CDH24: variants seen among roughly 807,000 people sequenced by gnomAD.
The protein encoded by CDH24 is cadherin 24.
A neutral mutation model predicts 71.2 loss-of-function variants in CDH24; 61 were observed. The ratio of observed to expected loss-of-function variants is 0.86; its 90% CI spans 0.70 to 1.06. The LOEUF is 1.06. Ranked by LOEUF, CDH24 falls within the 50% of genes least tolerant of loss-of-function variation. The probability of loss-of-function intolerance (pLI) is 0.00; values close to 1 mark genes in which losing one functional copy is unlikely to be tolerated. For synonymous variants in CDH24, 440 were observed against 470.2 expected (o/e 0.94, Z 0.83); for missense variants, 961 against 1,083.7 (o/e 0.89, Z 1.59).
In CDH24 at chr14:23,048,032, A is replaced by G; in HGVS notation, c.2294T>C (p.Leu765Pro). The change falls in exon 12 of 13, where the codon CTC becomes CCC. Residue 765 changes from leucine (L) to proline (P), a missense_variant. Leu to Pro is a moderately conservative substitution (Grantham distance 98). Around this residue, in one of 2 missense-constraint regions of CDH24, gnomAD observed 290 missense variants for 272.8 expected, o/e 1.06. Coordinates refer to ENST00000487137, the MANE Select transcript of CDH24 (RefSeq NM_144985.4). ...ATACAGCTCGGCCAGGGTGCGGAAG[A>G]GCGGACCCCAGTCGTCCAGCGGCTC... is the stretch of plus-strand genomic sequence containing the variant. Reference protein sequence around the residue: ...PAEPLDDWGPLFRTLAELYGA... With the variant: ...PAEPLDDWGPPFRTLAELYGA... 1.4e-6 allele frequency: 2 copies of G among 1,447,992 alleles called. No homozygotes were observed. The highest frequency in any genetic ancestry group is 1.8e-6 in the Non-Finnish European group (2 of 1,105,648). The allele number at this position is 1,447,992 out of a possible 1,614,324, so 89.7% of individuals were successfully genotyped here. A position where few individuals can be genotyped will look rare whatever the true frequency, so the allele number is the denominator to read the frequency against.
Position 23,049,738 on chromosome 14 carries a change from G to T in CDH24, c.1486C>A (p.Leu496Met). 6.2e-7 allele frequency: 1 copy of T among 1,611,700 alleles called. No homozygotes were observed. The change falls in exon 10 of 13, where the codon CTG (leucine) becomes ATG (methionine). Residue 496 changes from leucine to methionine, a missense_variant and splice_region_variant. Transcript: ENST00000487137. ...TCCAGGGCCCGGATGACCTGAATCA[G>T]CTGGGAGGAAGAAGAGAGAGGCCTT... Reference protein sequence around the residue: ...FVCDSAAPGQLIQVIRALDRD... With the variant: ...FVCDSAAPGQMIQVIRALDRD...
Position 23,049,030 on chromosome 14 carries a change from G to A in CDH24, c.1843C>T (p.Leu615Phe). Residue 615 changes from leucine (L) to phenylalanine (F), a missense_variant, in exon 11 of 13, where the codon CTT (leucine) becomes TTT (phenylalanine). By Grantham distance (22) the Leu-to-Phe change is conservative (BLOSUM62 0). This residue lies in a region of CDH24 where 290 missense variants were observed against 272.8 expected (regional missense o/e 1.06). Transcript: ENST00000487137. ...LAIITCVGAL[L>F]ALVVLFVALR... ...GTACCACTGTGGCCTGACTCACCAAGCAGGGCACCCACACAGGTGATGATG... is the reference window on the plus strand; with the variant it reads ...GTACCACTGTGGCCTGACTCACCAAACAGGGCACCCACACAGGTGATGATG... The A allele has an allele frequency of 6.2e-7, 1 of 1,611,790 alleles. No individual in the cohort carries two copies. Among genetic ancestry groups the A allele is most frequent in the Non-Finnish European group, 8.5e-7 (1 of 1,179,378 alleles).
chr14:23,053,559 G>C lies in CDH24; in HGVS notation c.1163C>G (p.Ala388Gly). 6.2e-7 allele frequency: 1 copy of C among 1,610,856 alleles called. No homozygotes were observed. Among genetic ancestry groups the C allele is most frequent in the Non-Finnish European group, 8.5e-7 (1 of 1,177,590 alleles). The part of the protein sequence containing the change: ...AYHLTVPENK[A>G]PGTLVGQISA... Reference sequence around the variant, plus strand: ...GATCTGGCCTACCAGGGTCCCCGGGGCCTTGTTCTCAGGCACTGTCAGGTG... The same window carrying C: ...GATCTGGCCTACCAGGGTCCCCGGGCCCTTGTTCTCAGGCACTGTCAGGTG... Residue 388 changes from alanine (A) to glycine (G), a missense_variant, in exon 7 of 13, where the codon GCC (alanine) becomes GGC (glycine). Around this residue, in one of 2 missense-constraint regions of CDH24, gnomAD observed 671 missense variants for 810.9 expected, o/e 0.83. Coordinates refer to ENST00000487137, the MANE Select transcript of CDH24 (RefSeq NM_144985.4).
chr14:23,054,897 G>A lies in CDH24; in HGVS notation c.497-31C>T. ...GGGGATGCCAGCACGCCATTCAGCA[G>A]CAGCAGGGAAGGATGGGGAAGAACA... On this transcript the variant is annotated intron_variant, in intron 3 of 12. Coordinates refer to ENST00000487137, the MANE Select transcript of CDH24 (RefSeq NM_144985.4). The surrounding 1 kb of genome is among the most constrained non-coding windows in gnomAD (Gnocchi z 5.2). 6.8e-6 allele frequency: 11 copies of A among 1,610,218 alleles called. No individual in the cohort carries two copies. The highest frequency in any genetic ancestry group is 9.3e-6 in the Non-Finnish European group (11 of 1,179,380).
At chr14:23,053,288 G>A (rs1229850185) in intron 7 of CDH24, among the ~76,000 whole-genome samples, 1 of 152,322 alleles carries the variant, frequency 6.6e-6, no homozygotes, top group African/African-American at 2.4e-5. Context: ...CTACCCAGAG[G>A]GGTGGACAGA....
At chr14:23,048,579 G>C in intron 11 of CDH24, 100 bp from the exon 12 acceptor site, 1 of 1,196,168 alleles carries the variant, frequency 8.4e-7, no homozygotes, top group South Asian at 1.3e-5. Flanking sequence ...CAGAAGCCCT[G>C]TGCTTAGGGG....
rs757924327 is a variant in CDH24, at chr14:23,049,749, G to A, written c.1486-11C>T. 3.7e-6 allele frequency: 6 copies of A among 1,611,824 alleles called. No individual in the cohort carries two copies. The highest frequency in any genetic ancestry group is 5.1e-6 in the Non-Finnish European group (6 of 1,178,376). On this transcript the variant is annotated splice_polypyrimidine_tract_variant and intron_variant, in intron 9 of 12. Coordinates refer to ENST00000487137, the MANE Select transcript of CDH24 (RefSeq NM_144985.4). Reference sequence around the variant, plus strand: ...GATGACCTGAATCAGCTGGGAGGAAGAAGAGAGAGGCCTTGTATGGAGTGG... The same window carrying A: ...GATGACCTGAATCAGCTGGGAGGAAAAAGAGAGAGGCCTTGTATGGAGTGG...
chr14:23,049,761 C>T (rs766746350), intron 9 of CDH24, 23 bp from the exon 10 acceptor site: 2 of 1,612,424 alleles, frequency 1.2e-6, no homozygotes, highest in Non-Finnish European at 1.7e-6. Context: ...AGAGAGAGGC[C>T]TTGTATGGAG....
intron 8 of CDH24, 111 bp downstream of exon 8, chr14:23,052,362 C>T (rs544829603): frequency 6.8e-6 from 8 of 1,184,528 alleles, no homozygotes; most frequent in South Asian, 3.9e-5. Context: ...ACTCAGTGGC[C>T]GCACGCTGGT....
chr14:23,049,303 T>A, intron 10 of CDH24, 28 bp from the exon 11 acceptor site: 1 of 1,550,412 alleles, frequency 6.4e-7, no homozygotes, highest in Non-Finnish European at 8.7e-7. Context: ...TGTTGAGGTA[T>A]CTTCTGGGAC....
In CDH24 at chr14:23,054,323, A is replaced by G; in HGVS notation, c.790T>C (p.Tyr264His). ...DNPPKFPQSL[Y>H]QFSVVETAGP... ...GCTGTCTCCACCACGGAGAACTGGT[A>G]TAGGCCTTGGGATGACAGAGGGGAG... The change falls in exon 6 of 13, where the codon TAC becomes CAC. Residue 264 changes from tyrosine (Y) to histidine (H), a missense_variant. Physicochemically the swap from Tyr to His is moderately conservative, Grantham distance 83. Around this residue, in one of 2 missense-constraint regions of CDH24, gnomAD observed 671 missense variants for 810.9 expected, o/e 0.83. Transcript: ENST00000487137. The surrounding 1 kb of genome is among the most constrained non-coding windows in gnomAD (Gnocchi z 5.2). 1 of 1,593,326 alleles carries G rather than the reference A, an allele frequency of 6.3e-7. No homozygotes were observed. Among genetic ancestry groups the G allele is most frequent in the Non-Finnish European group, 8.6e-7 (1 of 1,167,014 alleles).
In CDH24 at chr14:23,053,704, C is replaced by G; in HGVS notation, c.1018G>C (p.Ala340Pro). The G allele has an allele frequency of 6.2e-7, 1 of 1,613,032 alleles. No individual in the cohort carries two copies. The highest frequency in any genetic ancestry group is 8.5e-7 in the Non-Finnish European group (1 of 1,179,660). ...GCTGGGTCAATGAGCGTGTTGGTGGCCTCGACACGGAAGGAGTAGGAGCGC... is the reference window on the plus strand; with the variant it reads ...GCTGGGTCAATGAGCGTGTTGGTGGGCTCGACACGGAAGGAGTAGGAGCGC... Reference protein sequence around the residue: ...SQRSYSFRVEATNTLIDPAYL... With the variant: ...SQRSYSFRVEPTNTLIDPAYL... Residue 340 changes from alanine to proline, a missense_variant, in exon 7 of 13, where the codon GCC (alanine) becomes CCC (proline). Ala to Pro is a conservative substitution (Grantham distance 27, BLOSUM62 -1). This residue lies in a region of CDH24 where 671 missense variants were observed against 810.9 expected (regional missense o/e 0.83). Coordinates refer to ENST00000487137, the MANE Select transcript of CDH24 (RefSeq NM_144985.4).
At chr14:23,050,941 C>T (rs2047081587) in intron 8 of CDH24, among the ~76,000 whole-genome samples, 1 of 152,076 alleles carries the variant, frequency 6.6e-6, no homozygotes, top group South Asian at 2.1e-4. Context: ...TCTACTTCTT[C>T]CCTGCGGTAA....
Position 23,055,822 on chromosome 14 carries a change from G to A in CDH24, c.-89C>T, listed in dbSNP as rs1407440672. 6 of 1,140,292 alleles carry A rather than the reference G, an allele frequency of 5.3e-6. No homozygotes were observed. Among genetic ancestry groups the A allele is most frequent in the Non-Finnish European group, 6.1e-6 (5 of 821,618 alleles). 70.6% of individuals were successfully genotyped at this position (1,140,292 alleles called of 1,614,324 possible). A position where few individuals can be genotyped will look rare whatever the true frequency, so the allele number is the denominator to read the frequency against. Reference sequence around the variant, plus strand: ...GGCCCATGAGCTGGCTGGGGTGGAGGGGCAGATGCGTTGAGGCTACCCCAT... The same window carrying A: ...GGCCCATGAGCTGGCTGGGGTGGAGAGGCAGATGCGTTGAGGCTACCCCAT... On this transcript the variant is annotated 5_prime_UTR_variant, in exon 2 of 13. Transcript: ENST00000487137. This position sits in a 1 kb window ranked among gnomAD's most constrained non-coding sequence, Gnocchi z 4.1.
At position 23,049,811 on chromosome 14, in the gene CDH24, C is replaced by A. The variant is rs1471746085; in HGVS notation, c.1485+11G>T. The A allele has an allele frequency of 1.9e-6, 3 of 1,613,798 alleles. No individual in the cohort carries two copies. In the African/African-American group the frequency reaches 4.0e-5, roughly 22 times the overall value. The stretch of plus-strand genomic sequence containing the variant: ...CCTGGACGTCCCAACCCCTCTGCCT[C>A]AGTTGCTCACCTGGCCAGGAGCTGC... On this transcript the variant is annotated intron_variant, in intron 9 of 12. Transcript: ENST00000487137.
rs757588155 is a variant in CDH24, at chr14:23,055,074, C to T, written c.481G>A (p.Glu161Lys). ...GGGTGCTCACCGACATTGGACATCT[C>T]GGGCACGGTGGCATGGTAGGGCCCA... ...PLGPYHATVPEMSNVGTSVIQ... is the reference protein window; with the variant it reads ...PLGPYHATVPKMSNVGTSVIQ... The change falls in exon 3 of 13, where the codon GAG becomes AAG. Residue 161 changes from glutamate to lysine, a missense_variant. Glu to Lys is a moderately conservative substitution (Grantham distance 56). Around this residue, in one of 2 missense-constraint regions of CDH24, gnomAD observed 671 missense variants for 810.9 expected, o/e 0.83. Coordinates refer to ENST00000487137, the MANE Select transcript of CDH24 (RefSeq NM_144985.4). The surrounding 1 kb of genome is among the most constrained non-coding windows in gnomAD (Gnocchi z 4.1). 4.3e-6 allele frequency: 7 copies of T among 1,611,140 alleles called. No individual in the cohort carries two copies. Among genetic ancestry groups the T allele is most frequent in the African/African-American group, 2.7e-5 (2 of 74,850 alleles).
rs1566724532 is a variant in CDH24, at chr14:23,055,104, G to GA, written c.450dup (p.Pro151SerfsTer28). 2 of 1,613,874 alleles carry GA rather than the reference G, an allele frequency of 1.2e-6. No homozygotes were observed. The highest frequency in any genetic ancestry group is 4.5e-5 in the East Asian group (2 of 44,874). On this transcript the variant is annotated frameshift_variant, in exon 3 of 13. Transcript: ENST00000487137. LOFTEE classifies it high-confidence loss of function. The surrounding 1 kb of genome is among the most constrained non-coding windows in gnomAD (Gnocchi z 4.1). Reference sequence around the variant, plus strand: ...ACGGTGGCATGGTAGGGCCCAAGGGGAAAAATGGGTGGATTGTCGTTGATG... The same window carrying GA: ...ACGGTGGCATGGTAGGGCCCAAGGGGAAAAAATGGGTGGATTGTCGTTGATG...
In CDH24 at chr14:23,053,496, C is replaced by A; in HGVS notation, c.1226G>T (p.Arg409Ile). The A allele has an allele frequency of 6.4e-7, 1 of 1,569,348 alleles. No homozygotes were observed. Among genetic ancestry groups the A allele is most frequent in the Non-Finnish European group, 8.7e-7 (1 of 1,150,464 alleles). Residue 409 changes from arginine to isoleucine, a missense_variant and splice_region_variant, in exon 7 of 13, where the codon AGA (arginine) becomes ATA (isoleucine). Arg to Ile is a moderately conservative substitution (Grantham distance 97). Transcript: ENST00000487137. ...ADLDSPASPIRYSILPHSDPE... is the reference protein window; with the variant it reads ...ADLDSPASPIIYSILPHSDPE... ...CCAGCCCACATCCCAGCTCACCTAC[C>A]TGATTGGGCTGGCAGGGGAGTCCAG...
rs2047056976 is a variant in CDH24, at chr14:23,048,227, G to C, written c.2099C>G (p.Ala700Gly). 1 of 1,305,720 alleles carries C rather than the reference G, an allele frequency of 7.7e-7. No individual in the cohort carries two copies. The highest frequency in any genetic ancestry group is 4.1e-5 in the Admixed American group (1 of 24,488). The allele number at this position is 1,305,720 out of a possible 1,614,324, so 80.9% of individuals were successfully genotyped here. A position where few individuals can be genotyped will look rare whatever the true frequency, so the allele number is the denominator to read the frequency against. ...VSRQPRPPGPADVAQLLALRL... is the reference protein window; with the variant it reads ...VSRQPRPPGPGDVAQLLALRL... Reference sequence around the variant, plus strand: ...CAGCGCCAGGAGCTGCGCCACGTCGGCGGGGCCGGGGGGTCTGGGCTGGCG... The same window carrying C: ...CAGCGCCAGGAGCTGCGCCACGTCGCCGGGGCCGGGGGGTCTGGGCTGGCG... Residue 700 changes from alanine to glycine, a missense_variant, in exon 12 of 13, where the codon GCC (alanine) becomes GGC (glycine). Around this residue, in one of 2 missense-constraint regions of CDH24, gnomAD observed 290 missense variants for 272.8 expected, o/e 1.06. Coordinates refer to ENST00000487137, the MANE Select transcript of CDH24 (RefSeq NM_144985.4).
Sources: gnomAD v4.1 joint callset for allele counts (sites outside exome capture counted in the v4.1 genomes callset) on GRCh38, gnomAD v4.1.1 for gene constraint, gnomAD v4.1.1 regional missense constraint, Gnocchi (gnomAD v3.1) non-coding constraint, MANE v1.5 for transcripts, NCBI Gene and HGNC (gene_info 2026-07-23, HGNC 2026-07-21) for gene names.